Variants in DBN1 observed in about 807,000 individuals in gnomAD.
DBN1 encodes drebrin 1.
In DBN1, 21 loss-of-function variants were observed where a neutral mutation model predicts 83.5. The observed-to-expected ratio is 0.25, with a 90% CI of 0.18 to 0.36. The LOEUF is 0.36. Among genes scored for constraint, DBN1 ranks in the 10% least tolerant of loss-of-function variants. The pLI, the probability that DBN1 is intolerant of heterozygous loss-of-function variation, is 1.00. For missense variants in DBN1, 874 were observed against 935.7 expected (o/e 0.93, Z 0.86); for synonymous variants, 381 against 384.9 (o/e 0.99, Z 0.12).
In DBN1 at chr5:177,457,356, G is replaced by A; in HGVS notation, c.*77C>T. On this transcript the variant is annotated 3_prime_UTR_variant, in exon 15 of 15. Transcript: ENST00000393565. ...GCCAGGCGGAGCTGCTGCGAATGCAGGCACGGCGGGCCGTCTGGCCAGAGG... is the reference window on the plus strand; with the variant it reads ...GCCAGGCGGAGCTGCTGCGAATGCAAGCACGGCGGGCCGTCTGGCCAGAGG... The A allele has an allele frequency of 1.6e-6, 2 of 1,289,562 alleles. No homozygotes were observed. Among genetic ancestry groups the A allele is most frequent in the East Asian group, 2.3e-5 (1 of 43,304 alleles). The allele number at this position is 1,289,562 out of a possible 1,614,324, so 79.9% of individuals were successfully genotyped here.
At position 177,466,963 on chromosome 5, in the gene DBN1, C is replaced by T. The variant is rs1170929203; in HGVS notation, c.655G>A (p.Glu219Lys). ...ERMEQERQEQ[E>K]ERERRYRERE... is the part of the protein sequence containing the mutation. ...TCCCGGTAGCGCCGCTCGCGCTCCT[C>T]TTGCTCCTGCCGCTCCTGCTCCATC... is the stretch of plus-strand genomic sequence containing the variant. Residue 219 changes from glutamate (E) to lysine (K), a missense_variant, in exon 7 of 15, where the codon GAG (glutamate) becomes AAG (lysine). Glu to Lys is a moderately conservative substitution (Grantham distance 56). Transcript: ENST00000393565. The surrounding 1 kb of genome is among the most constrained non-coding windows in gnomAD (Gnocchi z 4.8). 3 of 1,613,090 alleles carry T rather than the reference C, an allele frequency of 1.9e-6. No homozygotes were observed. Among genetic ancestry groups the T allele is most frequent in the Non-Finnish European group, 2.5e-6 (3 of 1,179,864 alleles).
Position 177,473,438 on chromosome 5 carries a change from G to C in DBN1, c.84C>G (p.Asp28Glu). The C allele has an allele frequency of 7.1e-7, 1 of 1,417,194 alleles. No homozygotes were observed. Among genetic ancestry groups the C allele is most frequent in the Non-Finnish European group, 9.3e-7 (1 of 1,076,596 alleles). 87.8% of individuals were successfully genotyped at this position (1,417,194 alleles called of 1,614,324 possible). A position where few individuals can be genotyped will look rare whatever the true frequency, so the allele number is the denominator to read the frequency against. ...GGGGGCGGGGGCGGGGGGCTCACCA[G>C]TCGGCCGCGCTCTCCTCTCGGATCA... ...EEVIREESAADWALYTYEDGS... is the reference protein window; with the variant it reads ...EEVIREESAAEWALYTYEDGS... Residue 28 changes from aspartate (D) to glutamate (E), a missense_variant and splice_region_variant, in exon 1 of 15, where the codon GAC (aspartate) becomes GAG (glutamate). Around this residue, in one of 4 missense-constraint regions of DBN1, gnomAD observed 82 missense variants for 101.7 expected, o/e 0.81. Coordinates refer to ENST00000393565, the MANE Select transcript of DBN1 (RefSeq NM_001363541.2).
At chr5:177,462,669 G>A (rs180822347) in intron 8 of DBN1, among the ~76,000 whole-genome samples, 2 of 152,306 alleles carry the variant, frequency 1.3e-5, no homozygotes, top group Admixed American at 1.3e-4. Context: ...TGGCAGCTTG[G>A]GCAGGAGGGG....
chr5:177,457,753 C>G lies in DBN1; in HGVS notation c.1919G>C (p.Ser640Thr). 1 of 1,604,620 alleles carries G rather than the reference C, an allele frequency of 6.2e-7. No homozygotes were observed. ...CTGTGATTGACTGAAGTACCCCTCA[C>G]TGGCCTGCAGGGGAAAGCATCAGGT... ...ETTQKEGTQA[S>T]EGYFSQSQEE... Residue 640 changes from serine (S) to threonine (T), a missense_variant, in exon 14 of 15, where the codon AGT becomes ACT. By Grantham distance (58) the Ser-to-Thr change is moderately conservative. This residue lies in a region of DBN1 where 725 missense variants were observed against 719.7 expected (regional missense o/e 1.01). Transcript: ENST00000393565.
In DBN1 at chr5:177,457,286, G is replaced by C. The variant is rs1467187192; in HGVS notation, c.*147C>G. 1.4e-6 allele frequency: 1 copy of C among 705,118 alleles called. No individual in the cohort carries two copies. The highest frequency in any genetic ancestry group is 1.8e-5 in the African/African-American group (1 of 56,508). 43.7% of individuals were successfully genotyped at this position (705,118 alleles called of 1,614,324 possible). On this transcript the variant is annotated 3_prime_UTR_variant, in exon 15 of 15. Transcript: ENST00000393565. ...CTGTAAAAGTCAGGCCCTGTGGGTA[G>C]GGAAGCGGCCAAGTCCCCAGCCAGG...
chr5:177,458,653 G>A lies in DBN1; in HGVS notation c.1319C>T (p.Pro440Leu). The A allele has an allele frequency of 6.3e-7, 1 of 1,585,844 alleles. No individual in the cohort carries two copies. The highest frequency in any genetic ancestry group is 8.6e-7 in the Non-Finnish European group (1 of 1,167,024). ...LDSEETRAAA[P>L]QAWAGPMEEP... is the part of the protein sequence containing the mutation. ...CTCCATGGGGCCGGCCCAGGCCTGAGGGGCTGCTGCTCTGGTCTCCTCACT... is the reference window on the plus strand; with the variant it reads ...CTCCATGGGGCCGGCCCAGGCCTGAAGGGCTGCTGCTCTGGTCTCCTCACT... The change falls in exon 13 of 15, where the codon CCT (proline) becomes CTT (leucine). Residue 440 changes from proline (P) to leucine (L), a missense_variant. Physicochemically the swap from Pro to Leu is moderately conservative, Grantham distance 98 (BLOSUM62 -3). Coordinates refer to ENST00000393565, the MANE Select transcript of DBN1 (RefSeq NM_001363541.2).
chr5:177,470,896 G>A (rs1270832583), intron 1 of DBN1, among the ~76,000 whole-genome samples: 3 of 145,326 alleles, frequency 2.1e-5, no homozygotes, highest in Non-Finnish European at 4.6e-5. Flanking sequence ...AGGCGACCAG[G>A]CATCTACACA....
chr5:177,463,175 TACAG>T (rs1362563206), intron 8 of DBN1, among the ~76,000 whole-genome samples: 2 of 152,214 alleles, frequency 1.3e-5, no homozygotes, highest in Non-Finnish European at 2.9e-5. Flanking sequence ...TAGCTGGGAC[TACAG>T]GCGCCCGCCA....
At position 177,473,430 on chromosome 5, in the gene DBN1, G is replaced by A. The variant is rs1017458179; in HGVS notation, c.86+6C>T. On this transcript the variant is annotated splice_donor_region_variant and intron_variant, in intron 1 of 14. Transcript: ENST00000393565. ...AAGGGGCCGGGGGCGGGGGCGGGGG[G>A]CTCACCAGTCGGCCGCGCTCTCCTC... 4 of 1,403,070 alleles carry A rather than the reference G, an allele frequency of 2.9e-6. No individual in the cohort carries two copies. In the African/African-American group the frequency reaches 4.5e-5, roughly 16 times the overall value. The allele number at this position is 1,403,070 out of a possible 1,614,324, so 86.9% of individuals were successfully genotyped here. A position where few individuals can be genotyped will look rare whatever the true frequency, so the allele number is the denominator to read the frequency against.
chr5:177,462,770 C>G (rs1757142834), intron 8 of DBN1, among the ~76,000 whole-genome samples: 1 of 152,184 alleles, frequency 6.6e-6, no homozygotes, highest in Non-Finnish European at 1.5e-5. Flanking sequence ...GAGAAGGGCC[C>G]TTCGTAGTAT....
intron 8 of DBN1, among the ~76,000 whole-genome samples, chr5:177,464,981 C>G (rs981764783): frequency 2.0e-5 from 3 of 151,976 alleles, no homozygotes; most frequent in Non-Finnish European, 4.4e-5. Flanking sequence ...GGTGAAACCC[C>G]GTCTCTACTA....
intron 1 of DBN1, chr5:177,472,782 C>A (rs752511131): frequency 3.4e-5 from 34 of 986,952 alleles, no homozygotes; most frequent in Non-Finnish European, 3.6e-5. Context: ...TCACCCCTGC[C>A]TCCTCCGCGA....
In DBN1 at chr5:177,459,235, G is replaced by T; in HGVS notation, c.1127C>A (p.Pro376His). The T allele has an allele frequency of 1.2e-6, 2 of 1,610,646 alleles. No individual in the cohort carries two copies. Among genetic ancestry groups the T allele is most frequent in the Non-Finnish European group, 1.7e-6 (2 of 1,179,278 alleles). ...CGGGCTCCGCGTGGGGATGGGAGTG[G>T]GCGCCATCCTCCGGTGGCTGTCCAG... ...SHLDSHRRMA[P>H]TPIPTRSPSD... The change falls in exon 12 of 15, where the codon CCC becomes CAC. Residue 376 changes from proline (P) to histidine (H), a missense_variant. Transcript: ENST00000393565.
At chr5:177,457,575 G>A in intron 14 of DBN1, 72 bp from the exon 15 acceptor site, 1 of 1,544,832 alleles carries the variant, frequency 6.5e-7, no homozygotes, top group Non-Finnish European at 9.0e-7. Flanking sequence ...TGTGAGCGGT[G>A]GGTAGTGGTG....
intron 1 of DBN1, among the ~76,000 whole-genome samples, chr5:177,471,624 G>A (rs1757848871): frequency 6.6e-6 from 1 of 152,188 alleles, no homozygotes; most frequent in African/African-American, 2.4e-5. Context: ...TGTGTAGAAA[G>A]TGATCCTCAC....
rs1048088704 is a variant in DBN1 at position 177,468,875 on chromosome 5, G to A, written c.111C>T (p.Gly37=). ...ADWALYTYED[G]SDDLKLAASG... ...ATGCTGCAAGCTTGAGGTCATCGGA[G>A]CCATCTTCATATGTGTACAGAGCCC... Residue 37 remains glycine (G), a synonymous_variant, in exon 2 of 15, where the codon GGC becomes GGT. Transcript: ENST00000393565. 1 of 1,320,830 alleles carries A rather than the reference G, an allele frequency of 7.6e-7. No homozygotes were observed. The highest frequency in any genetic ancestry group is 9.7e-7 in the Non-Finnish European group (1 of 1,026,166). The allele number at this position is 1,320,830 out of a possible 1,614,324, so 81.8% of individuals were successfully genotyped here.
At chr5:177,464,672 T>C (rs1222369311) in intron 8 of DBN1, among the ~76,000 whole-genome samples, 2 of 151,998 alleles carry the variant, frequency 1.3e-5, no homozygotes, top group Non-Finnish European at 2.9e-5. Flanking sequence ...CTGGGTGCGG[T>C]GGCTCATGCC....
rs763067383 is a variant in DBN1 at position 177,466,906 on chromosome 5, C to G, written c.707+5G>C. The G allele has an allele frequency of 3.7e-5, 60 of 1,612,934 alleles. No individual in the cohort carries two copies. Among genetic ancestry groups the G allele is most frequent in the Non-Finnish European group, 4.9e-5 (58 of 1,179,752 alleles). On this transcript the variant is annotated splice_donor_5th_base_variant and intron_variant, in intron 7 of 14. Coordinates refer to ENST00000393565, the MANE Select transcript of DBN1 (RefSeq NM_001363541.2). This position sits in a 1 kb window ranked among gnomAD's most constrained non-coding sequence, Gnocchi z 4.8. ...CCCTGGAGCGCTCCGGGCGGGCAGG[C>G]TCACCTGTGCTCCTCGATCTGCTGC... is the stretch of plus-strand genomic sequence containing the variant.
intron 8 of DBN1, among the ~76,000 whole-genome samples, chr5:177,465,227 C>T (rs148756152): frequency 2.2e-3 from 335 of 152,324 alleles, no homozygotes; most frequent in African/African-American, 7.7e-3. Flanking sequence ...TATATCCATA[C>T]AATGGAATAT....
Sources: allele counts gnomAD v4.1 joint callset (sites outside exome capture counted in the v4.1 genomes callset), GRCh38; gene constraint gnomAD v4.1.1; regional missense constraint gnomAD v4.1.1; non-coding constraint Gnocchi (gnomAD v3.1); transcripts MANE v1.5; gene names NCBI Gene and HGNC (gene_info 2026-07-23, HGNC 2026-07-21).